Variants in TIAM1 observed in about 807,000 individuals in gnomAD.
The protein encoded by TIAM1 is rho guanine nucleotide exchange factor TIAM1.
TIAM1 carries 65 observed loss-of-function variants against 163.5 expected under a neutral mutation model. The ratio of observed to expected loss-of-function variants is 0.40; its 90% CI spans 0.33 to 0.49. The LOEUF (loss-of-function observed/expected upper bound fraction) is 0.49, where lower values mean the gene tolerates loss of function less well. TIAM1 is among the 20% of genes least tolerant of loss of function. TIAM1 has a pLI of 0.77. For missense variants in TIAM1, 1,789 were observed against 2,044.7 expected (o/e 0.87, Z 2.41); for synonymous variants, 833 against 810.1 (o/e 1.03, Z -0.48).
intron 1 of TIAM1, among the ~76,000 whole-genome samples, chr21:31,510,325 T>C (rs561263723): frequency 1.3e-5 from 2 of 152,342 alleles, no homozygotes; most frequent in South Asian, 2.1e-4. Context: ...GGTGCCTCTA[T>C]GACCAAATTT....
chr21:31,414,659 T>C (rs577580477), intron 2 of TIAM1, among the ~76,000 whole-genome samples: 3 of 152,228 alleles, frequency 2.0e-5, no homozygotes, highest in African/African-American at 7.2e-5. Context: ...ACCAGAACAA[T>C]ATGAGCCTCT....
At chr21:31,337,685 C>A (rs1213094074) in intron 2 of TIAM1, among the ~76,000 whole-genome samples, 2 of 151,844 alleles carry the variant, frequency 1.3e-5, no homozygotes, top group Non-Finnish European at 2.9e-5. Flanking sequence ...GTATGTGCCA[C>A]CACACCGGGC....
chr21:31,456,675 G>A (rs535821455), intron 2 of TIAM1, among the ~76,000 whole-genome samples: 1 of 152,238 alleles, frequency 6.6e-6, no homozygotes, highest in African/African-American at 2.4e-5. Context: ...TCACGATATA[G>A]CTTCAACTAT....
chr21:31,234,482 T>C (rs1255177752), intron 6 of TIAM1, among the ~76,000 whole-genome samples: 1 of 151,992 alleles, frequency 6.6e-6, no homozygotes, highest in Non-Finnish European at 1.5e-5. Flanking sequence ...GAAATCACTA[T>C]GAAGGATCAG....
At chr21:31,462,693 C>T (rs1416917525) in intron 2 of TIAM1, among the ~76,000 whole-genome samples, 1 of 151,572 alleles carries the variant, frequency 6.6e-6, no homozygotes, top group Admixed American at 6.6e-5. Context: ...ACTGGAGATT[C>T]TATAGTGACC....
intron 23 of TIAM1, among the ~76,000 whole-genome samples, chr21:31,131,661 A>T (rs958026516): frequency 1.2e-4 from 18 of 152,306 alleles, no homozygotes; most frequent in Admixed American, 1.1e-3. Flanking sequence ...CCCAGAAGGA[A>T]TAGAAGGGTG....
At chr21:31,190,034 G>C (rs1017368757) in intron 13 of TIAM1, among the ~76,000 whole-genome samples, 1 of 152,172 alleles carries the variant, frequency 6.6e-6, no homozygotes, top group African/African-American at 2.4e-5. Flanking sequence ...AAGGCTGTTA[G>C]CTTCAAATAC....
chr21:31,424,244 G>A (rs2043701934), intron 2 of TIAM1, among the ~76,000 whole-genome samples: 1 of 152,158 alleles, frequency 6.6e-6, no homozygotes. Flanking sequence ...TCTGGTCTGA[G>A]CTGCTCATTT....
chr21:31,157,499 C>A (rs1270374880), intron 16 of TIAM1, among the ~76,000 whole-genome samples: 3 of 152,072 alleles, frequency 2.0e-5, no homozygotes, highest in African/African-American at 7.2e-5. Context: ...TTCACTTATT[C>A]ACTCATTTTC....
At position 31,251,877 on chromosome 21, in the gene TIAM1, G is replaced by A. The variant is rs747283365; in HGVS notation, c.1276C>T (p.Leu426=). Reference sequence around the variant, plus strand: ...ACCGTGCCCTGTGCGGCGGTCAGCAGGATGTCCGACTGGCCCGGAGAGCTC... The same window carrying A: ...ACCGTGCCCTGTGCGGCGGTCAGCAAGATGTCCGACTGGCCCGGAGAGCTC... ...TLSSPGQSDI[L]LTAAQGTVRK... Residue 426 remains leucine, a synonymous_variant, in exon 5 of 28, where the codon CTG becomes TTG. Transcript: ENST00000541036. 1.2e-6 allele frequency: 2 copies of A among 1,613,890 alleles called. No homozygotes were observed. The highest frequency in any genetic ancestry group is 3.3e-5 in the Admixed American group (2 of 60,014).
intron 1 of TIAM1, among the ~76,000 whole-genome samples, chr21:31,480,660 G>A (rs1343267875): frequency 6.6e-6 from 1 of 152,222 alleles, no homozygotes; most frequent in African/African-American, 2.4e-5. Flanking sequence ...TGGAAGGAAG[G>A]AGGGAAAGTG....
intron 2 of TIAM1, among the ~76,000 whole-genome samples, chr21:31,426,873 A>G (rs1669764097): frequency 6.6e-6 from 1 of 152,096 alleles, no homozygotes; most frequent in African/African-American, 2.4e-5. Flanking sequence ...ATATTTAATA[A>G]CATGCTATGT....
intron 10 of TIAM1, among the ~76,000 whole-genome samples, chr21:31,210,598 GAAA>G (rs1477368656): frequency 5.3e-5 from 6 of 114,040 alleles, no homozygotes; most frequent in African/African-American, 2.2e-4. Context: ...AAGAAAGAGA[GAAA>G]GAAGGAAGGA....
At chr21:31,160,626 G>A (rs561159020) in intron 16 of TIAM1, 37 of 397,346 alleles carry the variant, frequency 9.3e-5, no homozygotes, top group African/African-American at 1.2e-4. Context: ...AGCACCAAAC[G>A]CCTCCTAGCT....
intron 16 of TIAM1, among the ~76,000 whole-genome samples, chr21:31,157,721 C>T (rs2083692929): frequency 6.6e-6 from 1 of 152,010 alleles, no homozygotes; most frequent in South Asian, 2.1e-4. Flanking sequence ...AGAGAAAACC[C>T]ACGAAGACCT....
At chr21:31,192,627 G>A (rs910094909) in intron 13 of TIAM1, among the ~76,000 whole-genome samples, 12 of 152,008 alleles carry the variant, frequency 7.9e-5, no homozygotes, top group Admixed American at 5.9e-4. Context: ...AAAAAAGACA[G>A]CTTAATAACT....
At chr21:31,505,773 A>G (rs750140909) in intron 1 of TIAM1, among the ~76,000 whole-genome samples, 3 of 152,020 alleles carry the variant, frequency 2.0e-5, no homozygotes, top group Non-Finnish European at 4.4e-5. Context: ...GGGAGGCTGA[A>G]GCGGGCGGAT....
chr21:31,493,939 G>A (rs113902285), intron 1 of TIAM1, among the ~76,000 whole-genome samples: 531 of 79,332 alleles, frequency 6.7e-3, no homozygotes, highest in Non-Finnish European at 8.5e-3. Context: ...AAAAAAGACA[G>A]AGTGTCACTC....
At chr21:31,414,961 G>A (rs35833933) in intron 2 of TIAM1, among the ~76,000 whole-genome samples, 2 of 152,182 alleles carry the variant, frequency 1.3e-5, no homozygotes, top group African/African-American at 4.8e-5. Context: ...GGGAAAGTTT[G>A]TGTGGTCAGG....
Sources: allele counts gnomAD v4.1 joint callset (sites outside exome capture counted in the v4.1 genomes callset), GRCh38; gene constraint gnomAD v4.1.1; transcripts MANE v1.5; gene names NCBI Gene and HGNC (gene_info 2026-07-23, HGNC 2026-07-21).